ABHD4: variants seen among roughly 807,000 people sequenced by gnomAD.
ABHD4 encodes (Lyso)-N-acylphosphatidylethanolamine lipase.
In ABHD4, 35 loss-of-function variants were observed where a neutral mutation model predicts 42.3. That is an observed-to-expected ratio of 0.83 (90% CI 0.63 to 1.10). The LOEUF (loss-of-function observed/expected upper bound fraction) is 1.10, where lower values mean the gene tolerates loss of function less well. Among genes scored for constraint, ABHD4 ranks in the 50% least tolerant of loss-of-function variants. The pLI, the probability that ABHD4 is intolerant of heterozygous loss-of-function variation, is 0.00. For missense variants in ABHD4, 389 were observed against 454.8 expected, an observed-to-expected ratio of 0.86 and a Z score of 1.32; for synonymous variants, 169 against 170.6, an observed-to-expected ratio of 0.99 and a Z score of 0.07.
chr14:22,601,781 A>T, intron 2 of ABHD4, 26 bp downstream of exon 2: 1 of 1,595,152 alleles, frequency 6.3e-7, no homozygotes, highest in Non-Finnish European at 8.6e-7. Flanking sequence ...AGCTTGTCCC[A>T]CCTCCCTCAT....
chr14:22,598,380 GA>G (rs1297603896), intron 1 of ABHD4, 51 bp downstream of exon 1: 1 of 1,551,570 alleles, frequency 6.4e-7, no homozygotes, highest in Non-Finnish European at 8.7e-7. Flanking sequence ...TCTGGGCCAT[GA>G]TCCTGGGACT....
intron 4 of ABHD4, among the ~76,000 whole-genome samples, chr14:22,604,760 CCACCA>C (rs2037330049): frequency 6.6e-6 from 1 of 152,024 alleles, no homozygotes; most frequent in African/African-American, 2.4e-5. Context: ...CAGGTGTACC[CCACCA>C]CACCTGGCTA....
chr14:22,606,544 C>T lies in ABHD4; in HGVS notation c.752+11C>T. 1.9e-6 allele frequency: 3 copies of T among 1,581,704 alleles called. No homozygotes were observed. The highest frequency in any genetic ancestry group is 2.6e-6 in the Non-Finnish European group (3 of 1,152,878). On this transcript the variant is annotated intron_variant, in intron 5 of 6. Transcript: ENST00000428304. The stretch of plus-strand genomic sequence containing the variant: ...CGCACAGAATCCCAGGTGAGGGCCG[C>T]TCCCCAGGCCAGCTTGGGGCAGACA...
Position 22,606,536 on chromosome 14 carries a change from G to C in ABHD4, c.752+3G>C. On this transcript the variant is annotated splice_donor_region_variant and intron_variant, in intron 5 of 6. Transcript: ENST00000428304. ...CACTGCAACGCACAGAATCCCAGGT[G>C]AGGGCCGCTCCCCAGGCCAGCTTGG... The C allele has an allele frequency of 6.2e-7, 1 of 1,604,184 alleles. No individual in the cohort carries two copies.
intron 2 of ABHD4, among the ~76,000 whole-genome samples, chr14:22,602,636 A>T (rs1324100868): frequency 6.6e-6 from 1 of 152,174 alleles, no homozygotes; most frequent in Non-Finnish European, 1.5e-5. Flanking sequence ...AGAGCAATAG[A>T]TGCAAGAGCT....
Position 22,603,510 on chromosome 14 carries a change from G to C in ABHD4, c.233G>C (p.Gly78Ala). 1 of 1,614,092 alleles carries C rather than the reference G, an allele frequency of 6.2e-7. No individual in the cohort carries two copies. The highest frequency in any genetic ancestry group is 1.3e-5 in the African/African-American group (1 of 75,006). ...RTPLVMVHGF[G>A]GGVGLWILNM... ...CCCTTGGTGATGGTGCATGGTTTTG[G>C]GGGCGGCGTGGGTCTCTGGATCCTC... The change falls in exon 3 of 7, where the codon GGG becomes GCG. Residue 78 changes from glycine to alanine, a missense_variant. Around this residue, in one of 3 missense-constraint regions of ABHD4, gnomAD observed 102 missense variants for 128.3 expected, o/e 0.80. Transcript: ENST00000428304.
rs757460282 is a variant in ABHD4, at chr14:22,603,493, G to A, written c.216G>A (p.Val72=). The A allele has an allele frequency of 1.8e-5, 29 of 1,614,076 alleles. No individual in the cohort carries two copies. The highest frequency in any genetic ancestry group is 1.2e-4 in the Admixed American group (7 of 60,006). The change falls in exon 3 of 7, where the codon GTG becomes GTA. Residue 72 remains valine, a synonymous_variant. Transcript: ENST00000428304. ...SPEQNDRTPL[V]MVHGFGGGVG... ...AGCAAAACGACCGCACCCCCTTGGT[G>A]ATGGTGCATGGTTTTGGGGGCGGCG...
At chr14:22,605,275 C>A (rs933672424) in intron 4 of ABHD4, among the ~76,000 whole-genome samples, 11 of 152,126 alleles carry the variant, frequency 7.2e-5, no homozygotes, top group Non-Finnish European at 1.5e-4. Flanking sequence ...AAGTGCAAAG[C>A]AGAAAAGTGC....
Position 22,600,204 on chromosome 14 carries a change from G to A in ABHD4, c.24-1463G>A, listed in dbSNP as rs1202928082. 4.4e-6 allele frequency: 2 copies of A among 455,846 alleles called. 1 individual carries two copies. The highest frequency in any genetic ancestry group is 6.5e-4 in the Middle Eastern group (2 of 3,070). 28.2% of individuals were successfully genotyped at this position (455,846 alleles called of 1,614,324 possible). On this transcript the variant is annotated intron_variant, in intron 1 of 6. Coordinates refer to ENST00000428304, the MANE Select transcript of ABHD4 (RefSeq NM_022060.3). ...ACAGTCACATTGCTGGTAAGTGACA[G>A]TGCTAAAATTGGAACTCTGGCCTTC...
chr14:22,607,512 C>T (rs1355477577), intron 5 of ABHD4, among the ~76,000 whole-genome samples: 1 of 152,196 alleles, frequency 6.6e-6, no homozygotes, highest in Non-Finnish European at 1.5e-5. Context: ...AACCTCAAAC[C>T]CCAACAGCTG....
intron 2 of ABHD4, among the ~76,000 whole-genome samples, chr14:22,602,618 C>T (rs2037298704): frequency 6.6e-6 from 1 of 152,220 alleles, no homozygotes; most frequent in African/African-American, 2.4e-5. Flanking sequence ...CAAGCACACA[C>T]AGGTTCAAGA....
chr14:22,599,449 G>A (rs533973145), intron 1 of ABHD4, among the ~76,000 whole-genome samples: 3 of 152,154 alleles, frequency 2.0e-5, no homozygotes, highest in Non-Finnish European at 2.9e-5. Context: ...GACAGAGACC[G>A]TCCTAGCCAG....
In ABHD4 at chr14:22,612,712, C is replaced by G. The variant is rs770007631; in HGVS notation, c.*1764C>G. 1.3e-5 allele frequency: 2 copies of G among 152,300 alleles called. No individual in the cohort carries two copies. The highest frequency in any genetic ancestry group is 4.1e-4 in the South Asian group (2 of 4,834). 9.4% of individuals were successfully genotyped at this position (152,300 alleles called of 1,614,324 possible). On this transcript the variant is annotated 3_prime_UTR_variant, in exon 7 of 7. Transcript: ENST00000428304. ...TACTGCTCCCTGCATCCTGCTCTAA[C>G]TTCCTCTCATCCTCTGGATCTCAGC...
intron 4 of ABHD4, among the ~76,000 whole-genome samples, chr14:22,604,885 C>T (rs1488185185): frequency 6.6e-6 from 1 of 152,250 alleles, no homozygotes; most frequent in Non-Finnish European, 1.5e-5. Context: ...GCTGGGATTA[C>T]AGGCATGAGC....
intron 5 of ABHD4, among the ~76,000 whole-genome samples, chr14:22,608,602 A>G (rs1594893654): frequency 6.6e-6 from 1 of 152,176 alleles, no homozygotes; most frequent in African/African-American, 2.4e-5. Flanking sequence ...ACTTCTGACC[A>G]TGTCTCTAGA....
chr14:22,602,691 T>G (rs1450352516), intron 2 of ABHD4, among the ~76,000 whole-genome samples: 1 of 152,200 alleles, frequency 6.6e-6, no homozygotes, highest in African/African-American at 2.4e-5. Context: ...TAAAGGGAGC[T>G]GGGCACGCTG....
chr14:22,602,497 C>T (rs2037297484), intron 2 of ABHD4, among the ~76,000 whole-genome samples: 1 of 152,176 alleles, frequency 6.6e-6, no homozygotes, highest in Non-Finnish European at 1.5e-5. Flanking sequence ...AGACTGCTGT[C>T]ACACCAGCAG....
intron 1 of ABHD4, chr14:22,598,766 G>T: frequency 2.9e-6 from 1 of 350,586 alleles, no homozygotes; most frequent in Non-Finnish European, 5.6e-6. Context: ...GCAAAGAGAA[G>T]ATGTGGAGAG....
intron 1 of ABHD4, among the ~76,000 whole-genome samples, chr14:22,601,232 T>A (rs1457756256): frequency 2.6e-5 from 4 of 152,326 alleles, no homozygotes; most frequent in Admixed American, 2.0e-4. Context: ...GCCCTGCCAG[T>A]AGGGCAGATG....
Sources: allele counts gnomAD v4.1 joint callset (sites outside exome capture counted in the v4.1 genomes callset), GRCh38; gene constraint gnomAD v4.1.1; regional missense constraint gnomAD v4.1.1; transcripts MANE v1.5; gene names NCBI Gene and HGNC (gene_info 2026-07-23, HGNC 2026-07-21).